The following SH3TC2 variants were observed in gnomAD, a reference collection of about 807,000 sequenced individuals.
SH3TC2 encodes the protein SH3 domain and tetratricopeptide repeat-containing protein 2.
A neutral mutation model predicts 124.5 loss-of-function variants in SH3TC2; 87 were observed. The observed-to-expected ratio is 0.70, with a 90% CI of 0.59 to 0.84. The LOEUF (loss-of-function observed/expected upper bound fraction) is 0.84, where lower values mean the gene tolerates loss of function less well. Among genes scored for constraint, SH3TC2 ranks in the 40% least tolerant of loss-of-function variants. SH3TC2 has a pLI of 0.00. For synonymous variants in SH3TC2, 634 were observed against 628.5 expected (o/e 1.01, Z -0.13); for missense variants, 1,536 against 1,566.4 (o/e 0.98, Z 0.33).
chr5:149,030,036 C>T (rs1754156654), intron 9 of SH3TC2, among the ~76,000 whole-genome samples: 2 of 152,132 alleles, frequency 1.3e-5, no homozygotes, highest in African/African-American at 4.8e-5. Flanking sequence ...AGATCTGTAA[C>T]CCCCAGAGGG....
intron 9 of SH3TC2, among the ~76,000 whole-genome samples, chr5:149,030,700 T>C (rs956706128): frequency 6.6e-6 from 1 of 152,268 alleles, no homozygotes; most frequent in African/African-American, 2.4e-5. Context: ...CTCCCTGCTC[T>C]ACTCCTGGGA....
rs1268415234 is a variant in SH3TC2 at position 148,986,150 on chromosome 5, G to A, written c.*18561C>T. Among the ~76,000 whole-genome samples the A allele has an allele frequency of 6.6e-6, 1 of 152,084 alleles. No individual in the cohort carries two copies. The highest frequency in any genetic ancestry group is 2.4e-5 in the African/African-American group (1 of 41,400). On this transcript the variant is annotated 3_prime_UTR_variant, in exon 17 of 17. Coordinates refer to ENST00000515425, the MANE Select transcript of SH3TC2 (RefSeq NM_024577.4). ...TGCTTAATAGCCTATTTTACTGCCC[G>A]TGTGAACTTGGGTATGTTACATAAC... is the stretch of plus-strand genomic sequence containing the variant.
chr5:148,994,592 GTGGTTAGA>G lies in SH3TC2; in HGVS notation c.*10111_*10118del, dbSNP rs1753473394. ...ATTGGTTGGGTATGTGGGTGGTTGG[GTGGTTAGA>G]TGGTTGGTTGGTTGGTTGGTTGGTT... On this transcript the variant is annotated 3_prime_UTR_variant, in exon 17 of 17. Coordinates refer to ENST00000515425, the MANE Select transcript of SH3TC2 (RefSeq NM_024577.4). Among the ~76,000 whole-genome samples the G allele has an allele frequency of 6.9e-6, 1 of 145,296 alleles. No individual in the cohort carries two copies. Among genetic ancestry groups the G allele is most frequent in the Non-Finnish European group, 1.5e-5 (1 of 66,532 alleles).
Position 148,993,836 on chromosome 5 carries a change from A to G in SH3TC2, c.*10875T>C, listed in dbSNP as rs184560843. Among the ~76,000 whole-genome samples the G allele has an allele frequency of 1.3e-4, 20 of 152,368 alleles. No homozygotes were observed. The East Asian group carries it at 3.9e-3, about 29-fold the overall frequency. On this transcript the variant is annotated 3_prime_UTR_variant, in exon 17 of 17. Transcript: ENST00000515425. ...CCACAGGTTCAACAAAGAAGTGTTC[A>G]TTAACTTCTTCGCCCAAACAAGTAC... is the stretch of plus-strand genomic sequence containing the variant.
At chr5:149,047,765 A>C in intron 3 of SH3TC2, 97 bp downstream of exon 3, 1 of 1,503,778 alleles carries the variant, frequency 6.6e-7, no homozygotes, top group Non-Finnish European at 9.2e-7. Flanking sequence ...TTTTCCGAGG[A>C]CCTACTTTGT....
chr5:149,018,182 A>G (rs1167334778), intron 12 of SH3TC2, among the ~76,000 whole-genome samples: 1 of 152,110 alleles, frequency 6.6e-6, no homozygotes, highest in Non-Finnish European at 1.5e-5. Flanking sequence ...TGAGATTTAT[A>G]TATGGCTTAG....
Position 149,028,019 on chromosome 5 carries a change from C to T in SH3TC2, c.1713G>A (p.Leu571=), listed in dbSNP as rs1275819556. 7 of 1,614,158 alleles carry T rather than the reference C, an allele frequency of 4.3e-6. No individual in the cohort carries two copies. Among genetic ancestry groups the T allele is most frequent in the Non-Finnish European group, 5.9e-6 (7 of 1,180,036 alleles). Residue 571 remains leucine (L), a synonymous_variant, in exon 11 of 17, where the codon CTG becomes CTA. Coordinates refer to ENST00000515425, the MANE Select transcript of SH3TC2 (RefSeq NM_024577.4). ...GGTAGATGGCAGCCAAATTGATGTA[C>T]AGAGTGGCCACCAAGGATAGGTCCT... ...AFEDLSLVAT[L]YINLAAIYLK...
chr5:149,016,456 T>G lies in SH3TC2; in HGVS notation c.3054-3722A>C, dbSNP rs1338382042. On this transcript the variant is annotated intron_variant, in intron 12 of 16. Transcript: ENST00000515425. ...CTCATGTGTGAAACTGGGGTGGTAGTGTGCATTATAGCCTTGTGATCAGAT... is the reference window on the plus strand; with the variant it reads ...CTCATGTGTGAAACTGGGGTGGTAGGGTGCATTATAGCCTTGTGATCAGAT... Among the ~76,000 whole-genome samples, 3 of 152,206 alleles carry G rather than the reference T, an allele frequency of 2.0e-5. No homozygotes were observed. The East Asian group carries it at 5.8e-4, about 29-fold the overall frequency.
rs1434342842 is a variant in SH3TC2 at position 148,983,359 on chromosome 5, G to A, written c.*21352C>T. On this transcript the variant is annotated 3_prime_UTR_variant, in exon 17 of 17. Coordinates refer to ENST00000515425, the MANE Select transcript of SH3TC2 (RefSeq NM_024577.4). The stretch of plus-strand genomic sequence containing the variant: ...CACCTGTGGCCTAAGATATGGTAAT[G>A]GAGGGAACAGACCAGGTTCTGAGTG... Among the ~76,000 whole-genome samples the A allele has an allele frequency of 6.6e-6, 1 of 152,198 alleles. No homozygotes were observed. Among genetic ancestry groups the A allele is most frequent in the East Asian group, 1.9e-4 (1 of 5,188 alleles).
intron 9 of SH3TC2, 97 bp from the exon 10 acceptor site, chr5:149,028,815 C>T: frequency 1.6e-6 from 2 of 1,270,168 alleles, no homozygotes; most frequent in Non-Finnish European, 2.3e-6. Context: ...TCTTAGGAGC[C>T]TTGGCATTCA....
At position 149,028,258 on chromosome 5, in the gene SH3TC2, AGAAG is replaced by A; in HGVS notation, c.1470_1473del (p.Phe491LeufsTer32). 1 of 1,613,990 alleles carries A rather than the reference AGAAG, an allele frequency of 6.2e-7. No homozygotes were observed. The highest frequency in any genetic ancestry group is 8.5e-7 in the Non-Finnish European group (1 of 1,180,020). On this transcript the variant is annotated frameshift_variant, in exon 11 of 17. Coordinates refer to ENST00000515425, the MANE Select transcript of SH3TC2 (RefSeq NM_024577.4). LOFTEE classifies it high-confidence loss of function. The stretch of plus-strand genomic sequence containing the variant: ...CTATAAAAGGAAGAAGTGAGGAAAG[AGAAG>A]GAGAAGTCATAGAGACTCTTAAAGT...
chr5:149,041,491 C>G lies in SH3TC2; in HGVS notation c.656G>C (p.Gly219Ala), dbSNP rs748374150. The G allele has an allele frequency of 1.2e-6, 2 of 1,614,048 alleles. No homozygotes were observed. The highest frequency in any genetic ancestry group is 3.3e-5 in the Admixed American group (2 of 60,002). The change falls in exon 6 of 17, where the codon GGC (glycine) becomes GCC (alanine). Residue 219 changes from glycine to alanine, a missense_variant. By Grantham distance (60) the Gly-to-Ala change is moderately conservative (BLOSUM62 0). Around this residue, in one of 3 missense-constraint regions of SH3TC2, gnomAD observed 1,102 missense variants for 1,098.6 expected, o/e 1.00. Coordinates refer to ENST00000515425, the MANE Select transcript of SH3TC2 (RefSeq NM_024577.4). ...CCGCTGACCTGTCACCAAAGACACGCCTTCCAACTCGGAGCCAGCTTCTGC... is the reference window on the plus strand; with the variant it reads ...CCGCTGACCTGTCACCAAAGACACGGCTTCCAACTCGGAGCCAGCTTCTGC... ...KMAEAGSELE[G>A]VSLVTGQRGL... is the part of the protein sequence containing the mutation.
chr5:149,013,299 A>G lies in SH3TC2; in HGVS notation c.3054-565T>C, dbSNP rs981974603. ...TTCTCATGACAGTGAGTCTCATGAG[A>G]TCTGATGGTTGTATCAAGGGTAGTT... On this transcript the variant is annotated intron_variant, in intron 12 of 16. Transcript: ENST00000515425. 9.0e-4 allele frequency among the ~76,000 whole-genome samples: 95 copies of G among 106,060 alleles called. 1 individual carries two copies. Among genetic ancestry groups the G allele is most frequent in the African/African-American group, 2.6e-3 (92 of 35,512 alleles). The allele number at this position is 106,060 out of a possible 152,430, so 69.6% of individuals were successfully genotyped here. A position where few individuals can be genotyped will look rare whatever the true frequency, so the allele number is the denominator to read the frequency against.
In SH3TC2 at chr5:148,999,520, G is replaced by C. The variant is rs181956541; in HGVS notation, c.*5191C>G. 2.0e-5 allele frequency among the ~76,000 whole-genome samples: 3 copies of C among 152,206 alleles called. No individual in the cohort carries two copies. The East Asian group carries it at 5.8e-4, about 29-fold the overall frequency. On this transcript the variant is annotated 3_prime_UTR_variant, in exon 17 of 17. Coordinates refer to ENST00000515425, the MANE Select transcript of SH3TC2 (RefSeq NM_024577.4). ...GCCGCTTGTCCACACATCTCAATGGGAGCAATTAAAAGAGGAAAAGAGACC... is the reference window on the plus strand; with the variant it reads ...GCCGCTTGTCCACACATCTCAATGGCAGCAATTAAAAGAGGAAAAGAGACC...
rs970023031 is a variant in SH3TC2, at chr5:149,000,845, A to C, written c.*3866T>G. On this transcript the variant is annotated 3_prime_UTR_variant, in exon 17 of 17. Coordinates refer to ENST00000515425, the MANE Select transcript of SH3TC2 (RefSeq NM_024577.4). The stretch of plus-strand genomic sequence containing the variant: ...TCACCTGTAAAAAGAAGATAATATA[A>C]TTGAGCTATAAAAATATATTATTTC... Among the ~76,000 whole-genome samples the C allele has an allele frequency of 6.6e-6, 1 of 152,206 alleles. No homozygotes were observed. The highest frequency in any genetic ancestry group is 2.4e-5 in the African/African-American group (1 of 41,442).
Position 148,998,752 on chromosome 5 carries a change from C to T in SH3TC2, c.*5959G>A, listed in dbSNP as rs1753550043. Among the ~76,000 whole-genome samples, 1 of 152,310 alleles carries T rather than the reference C, an allele frequency of 6.6e-6. No homozygotes were observed. The highest frequency in any genetic ancestry group is 2.1e-4 in the South Asian group (1 of 4,824). ...TCTCTGCTTCTCTGGGGAGAAGACA[C>T]CCCTTAGAGGAGGGTGAACGAAGTG... is the stretch of plus-strand genomic sequence containing the variant. On this transcript the variant is annotated 3_prime_UTR_variant, in exon 17 of 17. Transcript: ENST00000515425.
In SH3TC2 at chr5:149,047,979, G is replaced by A. The variant is rs1324053171; in HGVS notation, c.162C>T (p.Leu54=). The change falls in exon 3 of 17, where the codon CTC becomes CTT. Residue 54 remains leucine (L), a synonymous_variant. Coordinates refer to ENST00000515425, the MANE Select transcript of SH3TC2 (RefSeq NM_024577.4). The part of the protein sequence containing the change: ...LPQNINPDLT[L]SFCVKSRSRR... ...TGGAGCGGCTCTTTACACAGAAGGA[G>A]AGTGTCAGGTCTTAAAGAGAACAGA... The A allele has an allele frequency of 6.2e-7, 1 of 1,613,966 alleles. No individual in the cohort carries two copies. Among genetic ancestry groups the A allele is most frequent in the Non-Finnish European group, 8.5e-7 (1 of 1,179,990 alleles).
Position 149,003,773 on chromosome 5 carries a change from C to T in SH3TC2, c.*938G>A, listed in dbSNP as rs1254002834. 1 of 449,948 alleles carries T rather than the reference C, an allele frequency of 2.2e-6. No individual in the cohort carries two copies. Among genetic ancestry groups the T allele is most frequent in the Non-Finnish European group, 4.4e-6 (1 of 224,722 alleles). 27.9% of individuals were successfully genotyped at this position (449,948 alleles called of 1,614,324 possible). A position where few individuals can be genotyped will look rare whatever the true frequency, so the allele number is the denominator to read the frequency against. On this transcript the variant is annotated 3_prime_UTR_variant, in exon 17 of 17. Transcript: ENST00000515425. ...GGTTGACACTGGAGGATCACTTGAGCCCCGGAGTCTGAGGTCGCAGGAAGC... is the reference window on the plus strand; with the variant it reads ...GGTTGACACTGGAGGATCACTTGAGTCCCGGAGTCTGAGGTCGCAGGAAGC...
At chr5:149,009,635 T>C (rs12153124) in intron 14 of SH3TC2, among the ~76,000 whole-genome samples, 24,479 of 152,052 alleles carry the variant, frequency 0.16, 2,408 homozygotes, top group East Asian at 0.24. Context: ...AATTTTACGA[T>C]CAAATTAGAT....
Sources: allele counts gnomAD v4.1 joint callset (sites outside exome capture counted in the v4.1 genomes callset), GRCh38; gene constraint gnomAD v4.1.1; regional missense constraint gnomAD v4.1.1; transcripts MANE v1.5; gene names NCBI Gene and HGNC (gene_info 2026-07-23, HGNC 2026-07-21).